The following WARS2 variants were observed in gnomAD, a reference collection of about 807,000 sequenced individuals.
WARS2 encodes the protein tryptophan--tRNA ligase, mitochondrial.
In WARS2, 28 loss-of-function variants were observed where a neutral mutation model predicts 36.5. The observed-to-expected ratio is 0.77, with a 90% confidence interval of 0.57 to 1.05. WARS2 has a LOEUF of 1.05. Ranked by LOEUF, WARS2 falls within the 50% of genes least tolerant of loss-of-function variation. The probability of loss-of-function intolerance (pLI) is 0.00; values close to 1 mark genes in which losing one functional copy is unlikely to be tolerated. For missense variants in WARS2, 435 were observed against 456.8 expected (o/e 0.95, Z 0.44); for synonymous variants, 174 against 178.4 (o/e 0.98, Z 0.20).
chr1:119,122,660 G>A (rs587635132), intron 1 of WARS2, among the ~76,000 whole-genome samples: 235 of 152,158 alleles, frequency 1.5e-3, no homozygotes, highest in African/African-American at 5.3e-3. Context: ...CATCAACCAA[G>A]TGGGTAAAGA....
chr1:119,103,042 C>T (rs1653983420), intron 1 of WARS2, among the ~76,000 whole-genome samples: 1 of 152,046 alleles, frequency 6.6e-6, no homozygotes, highest in South Asian at 2.1e-4. Flanking sequence ...TTTTTTTCTG[C>T]TACAACAGGT....
At chr1:119,065,319 G>A (rs1047588594) in intron 2 of WARS2, among the ~76,000 whole-genome samples, 16 of 152,054 alleles carry the variant, frequency 1.1e-4, no homozygotes, top group Non-Finnish European at 1.8e-4. Context: ...CACTCAAGAA[G>A]TTAGTAAAAG....
At chr1:119,108,594 G>A (rs1420413829) in intron 1 of WARS2, among the ~76,000 whole-genome samples, 2 of 151,708 alleles carry the variant, frequency 1.3e-5, no homozygotes, top group African/African-American at 4.8e-5. Context: ...CCTGGCTAAG[G>A]GTTAGTGATT....
chr1:119,139,457 G>A (rs587757527), intron 1 of WARS2, among the ~76,000 whole-genome samples: 2 of 152,260 alleles, frequency 1.3e-5, no homozygotes, highest in Non-Finnish European at 2.9e-5. Context: ...ATTTTCCAGA[G>A]GTTGAAAGAA....
In WARS2 at chr1:119,032,826, A is replaced by G; in HGVS notation, c.*85T>C. On this transcript the variant is annotated 3_prime_UTR_variant, in exon 6 of 6. Coordinates refer to ENST00000235521, the MANE Select transcript of WARS2 (RefSeq NM_015836.4). ...ACCAAATTAAATGTCCCAAAACTAT[A>G]ACTTTTTCTTTTTAGGAAAGCTGCC... is the stretch of plus-strand genomic sequence containing the variant. 1 of 1,303,500 alleles carries G rather than the reference A, an allele frequency of 7.7e-7. No individual in the cohort carries two copies. Among genetic ancestry groups the G allele is most frequent in the Non-Finnish European group, 1.1e-6 (1 of 945,276 alleles). 80.7% of individuals were successfully genotyped at this position (1,303,500 alleles called of 1,614,324 possible).
intron 1 of WARS2, among the ~76,000 whole-genome samples, chr1:119,117,825 C>A (rs773818098): frequency 1.3e-5 from 2 of 152,104 alleles, no homozygotes; most frequent in Non-Finnish European, 2.9e-5. Flanking sequence ...CCCAGAAAAG[C>A]AATAACAATA....
Position 119,044,254 on chromosome 1 carries a change from A to G in WARS2, c.429+1328T>C, listed in dbSNP as rs993014708. ...CAAACAAGCAATTATATACTAATGG[A>G]AAGGCTTTTCCAGAATATCAGTACA... On this transcript the variant is annotated intron_variant, in intron 3 of 5. Coordinates refer to ENST00000235521, the MANE Select transcript of WARS2 (RefSeq NM_015836.4). 3.3e-5 allele frequency among the ~76,000 whole-genome samples: 5 copies of G among 152,342 alleles called. No homozygotes were observed. In the South Asian group the frequency reaches 1.0e-3, roughly 32 times the overall value.
chr1:119,044,799 C>T (rs899139836), intron 3 of WARS2, among the ~76,000 whole-genome samples: 3 of 152,178 alleles, frequency 2.0e-5, no homozygotes, highest in Non-Finnish European at 2.9e-5. Flanking sequence ...AAAGGCCCTA[C>T]CTCCTAATAC....
chr1:119,043,526 G>T (rs1398102726), intron 3 of WARS2, among the ~76,000 whole-genome samples: 5 of 152,058 alleles, frequency 3.3e-5, no homozygotes, highest in African/African-American at 1.2e-4. Flanking sequence ...TACTTCAAGT[G>T]GTTTCTGGCT....
intron 5 of WARS2, among the ~76,000 whole-genome samples, chr1:119,033,599 T>C (rs1304813667): frequency 1.3e-5 from 2 of 152,236 alleles, no homozygotes; most frequent in Non-Finnish European, 2.9e-5. Flanking sequence ...CAATACTTTA[T>C]TATAAAATAG....
chr1:119,056,916 C>T (rs942327876), intron 2 of WARS2, among the ~76,000 whole-genome samples: 1 of 152,064 alleles, frequency 6.6e-6, no homozygotes, highest in Admixed American at 6.6e-5. Flanking sequence ...TGCTGGGTCA[C>T]GTGGTAAGTA....
intron 1 of WARS2, among the ~76,000 whole-genome samples, chr1:119,094,118 A>G (rs1023125501): frequency 6.6e-6 from 1 of 152,228 alleles, no homozygotes; most frequent in African/African-American, 2.4e-5. Context: ...TCAAAGTTCT[A>G]GGATCACATT....
Position 119,033,300 on chromosome 1 carries a change from G to C in WARS2, c.694C>G (p.Pro232Ala). 6.2e-7 allele frequency: 1 copy of C among 1,614,142 alleles called. No individual in the cohort carries two copies. The highest frequency in any genetic ancestry group is 8.5e-7 in the Non-Finnish European group (1 of 1,180,026). ...DPSAKMSKSD[P>A]DKLATVRITD... Reference sequence around the variant, plus strand: ...ATTCGGACGGTGGCCAGTTTGTCAGGGTCTGATTTCGACATTTTGGCAGAA... The same window carrying C: ...ATTCGGACGGTGGCCAGTTTGTCAGCGTCTGATTTCGACATTTTGGCAGAA... Residue 232 changes from proline to alanine, a missense_variant, in exon 6 of 6, where the codon CCT (proline) becomes GCT (alanine). Physicochemically the swap from Pro to Ala is conservative, Grantham distance 27. Transcript: ENST00000235521.
In WARS2 at chr1:119,033,552, C is replaced by T. The variant is rs116616182; in HGVS notation, c.635-193G>A. The stretch of plus-strand genomic sequence containing the variant: ...ACCCACACAACCATTCTGTTTTTCA[C>T]TTTCAGTATAGTATTCAATAAATTA... On this transcript the variant is annotated intron_variant, in intron 5 of 5. Coordinates refer to ENST00000235521, the MANE Select transcript of WARS2 (RefSeq NM_015836.4). Among the ~76,000 whole-genome samples, 1,191 of 152,292 alleles carry T rather than the reference C, an allele frequency of 7.8e-3. 13 individuals are homozygous for T. Among genetic ancestry groups the T allele is most frequent in the African/African-American group, 0.027 (1,133 of 41,554 alleles).
intron 1 of WARS2, among the ~76,000 whole-genome samples, chr1:119,098,501 G>A (rs1389933585): frequency 2.0e-5 from 3 of 151,852 alleles, no homozygotes; most frequent in Admixed American, 6.6e-5. Context: ...GCAATGGCAC[G>A]ATCTCGGCTC....
At position 119,059,534 on chromosome 1, in the gene WARS2, A is replaced by T. The variant is rs1266569128; in HGVS notation, c.349-13872T>A. Among the ~76,000 whole-genome samples the T allele has an allele frequency of 4.6e-5, 7 of 152,152 alleles. No homozygotes were observed. The East Asian group carries it at 1.4e-3, about 29-fold the overall frequency. Reference sequence around the variant, plus strand: ...CAGCTTTCTACATTTCTTTTCAGTGACCTGTAAGTCTATGTCCATACCACA... The same window carrying T: ...CAGCTTTCTACATTTCTTTTCAGTGTCCTGTAAGTCTATGTCCATACCACA... On this transcript the variant is annotated intron_variant, in intron 2 of 5. Transcript: ENST00000235521.
intron 1 of WARS2, among the ~76,000 whole-genome samples, chr1:119,120,064 G>A (rs1655231734): frequency 6.6e-6 from 1 of 151,948 alleles, no homozygotes; most frequent in Non-Finnish European, 1.5e-5. Flanking sequence ...AAAGATCAGA[G>A]CAGAACTAAA....
chr1:119,100,987 T>C (rs1653815606), intron 1 of WARS2, among the ~76,000 whole-genome samples: 1 of 152,098 alleles, frequency 6.6e-6, no homozygotes, highest in South Asian at 2.1e-4. Context: ...TTCTCACTCA[T>C]ATGTAGGAGC....
chr1:119,045,736 T>C (rs1648745687), intron 2 of WARS2, 74 bp from the exon 3 acceptor site: 2 of 1,211,466 alleles, frequency 1.7e-6, no homozygotes, highest in East Asian at 2.5e-5. Context: ...AAGTAGTAAG[T>C]ATTACCCTAA....
Sources: allele counts gnomAD v4.1 joint callset (sites outside exome capture counted in the v4.1 genomes callset), GRCh38; gene constraint gnomAD v4.1.1; transcripts MANE v1.5; gene names NCBI Gene and HGNC (gene_info 2026-07-23, HGNC 2026-07-21).